The following DOK7 variants were observed in gnomAD, a reference collection of about 807,000 sequenced individuals.
DOK7 encodes the protein protein Dok-7.
A neutral mutation model predicts 30.7 loss-of-function variants in DOK7; 32 were observed. The ratio of observed to expected loss-of-function variants is 1.04; its 90% CI spans 0.79 to 1.40. DOK7 has a LOEUF of 1.40. Among genes scored for constraint, DOK7 ranks in the 40% most tolerant of loss-of-function variants. DOK7 has a pLI of 0.00. For missense variants in DOK7, 1,007 were observed against 699.2 expected, an observed-to-expected ratio of 1.44 and a Z score of -4.97; for synonymous variants, 447 against 324.1, an observed-to-expected ratio of 1.38 and a Z score of -4.07.
chr4:3,489,945 A>T, intron 6 of DOK7, 149 bp downstream of exon 6: 1 of 1,244,724 alleles, frequency 8.0e-7, no homozygotes, highest in African/African-American at 1.8e-5. Flanking sequence ...TTCTTCCCCC[A>T]ACTCCCCGCC....
intron 6 of DOK7, among the ~76,000 whole-genome samples, chr4:3,490,122 T>TCC (rs1553848887): frequency 1.8e-5 from 2 of 113,128 alleles, no homozygotes; most frequent in Non-Finnish European, 3.5e-5. Flanking sequence ...ATTCATTCCT[T>TCC]TTCTCCCTGC....
chr4:3,471,076 C>T (rs1726730282), intron 2 of DOK7, among the ~76,000 whole-genome samples: 1 of 152,234 alleles, frequency 6.6e-6, no homozygotes, highest in Non-Finnish European at 1.5e-5. Flanking sequence ...CCAGTGTGTG[C>T]CCCTTGCTGA....
intron 5 of DOK7, among the ~76,000 whole-genome samples, chr4:3,487,081 C>T (rs370632661): frequency 6.6e-6 from 1 of 152,160 alleles, no homozygotes; most frequent in Non-Finnish European, 1.5e-5. Flanking sequence ...GTTGGGCTGA[C>T]CAGAAGTCCC....
At chr4:3,490,423 C>CGCTCATTCATTCCTTCATTTCTCTCCT (rs1417456979) in intron 6 of DOK7, among the ~76,000 whole-genome samples, 13 of 17,934 alleles carry the variant, frequency 7.2e-4, no homozygotes, top group African/African-American at 2.2e-3. Context: ...CCCACCGCCC[C>CGCTCATTCATTCCTTCATTTCTCTCCT]GCTCATTCAT....
intron 4 of DOK7, among the ~76,000 whole-genome samples, chr4:3,479,060 C>T (rs796842061): frequency 9.2e-5 from 14 of 152,300 alleles, no homozygotes; most frequent in African/African-American, 3.4e-4. Context: ...AGAACGGGTT[C>T]CTTCTGCAGC....
downstream of DOK7, chr4:3,496,931 G>T (rs141318050): frequency 1.4e-6 from 1 of 701,084 alleles, no homozygotes; most frequent in South Asian, 1.6e-5. Flanking sequence ...GGCGCAGATG[G>T]CAGCCAGAGT....
intron 2 of DOK7, among the ~76,000 whole-genome samples, chr4:3,469,810 G>C (rs1726649433): frequency 6.6e-6 from 1 of 152,218 alleles, no homozygotes; most frequent in Non-Finnish European, 1.5e-5. Flanking sequence ...TTAAAAACAG[G>C]ATCGATTTAT....
In DOK7 at chr4:3,493,362, C is replaced by T. The variant is rs747895762; in HGVS notation, c.1376C>T (p.Pro459Leu). The T allele has an allele frequency of 1.9e-6, 3 of 1,598,014 alleles. No homozygotes were observed. The highest frequency in any genetic ancestry group is 8.5e-7 in the Non-Finnish European group (1 of 1,172,884). Reference sequence around the variant, plus strand: ...CGGCGGGGCCTGGTGATGGAGGCCCCCCAGGGCAGCGAGGCCACACTGCCT... The same window carrying T: ...CGGCGGGGCCTGGTGATGGAGGCCCTCCAGGGCAGCGAGGCCACACTGCCT... ...TRRRGLVMEA[P>L]QGSEATLPGP... Residue 459 changes from proline to leucine, a missense_variant, in exon 7 of 7, where the codon CCC (proline) becomes CTC (leucine). Coordinates refer to ENST00000340083, the MANE Select transcript of DOK7 (RefSeq NM_173660.5).
At chr4:3,495,222 A>G (rs1728838296), downstream of DOK7, among the ~76,000 whole-genome samples, 1 of 152,106 alleles carries the variant, frequency 6.6e-6, no homozygotes, top group African/African-American at 2.4e-5. Flanking sequence ...GCCCGTCACC[A>G]TTACCCCTGC....
chr4:3,489,689 C>G lies in DOK7; in HGVS notation c.665C>G (p.Pro222Arg), dbSNP rs141141719. The change falls in exon 6 of 7, where the codon CCG becomes CGG. Residue 222 changes from proline to arginine, a missense_variant. Transcript: ENST00000340083. ...CTCTCTGCCACAGACCCAAGTCCCC[C>G]GGGACCCTCGACTGTGGAGGAGCGT... ...LRPVLPDPSP[P>R]GPSTVEERVA... The G allele has an allele frequency of 1.3e-6, 2 of 1,565,108 alleles. No homozygotes were observed. Among genetic ancestry groups the G allele is most frequent in the Non-Finnish European group, 1.7e-6 (2 of 1,155,038 alleles).
At chr4:3,500,652 C>T (rs1333398193) in intron 7 of DOK7, 4 of 1,535,576 alleles carry the variant, frequency 2.6e-6, no homozygotes, top group Middle Eastern at 1.7e-4. Flanking sequence ...GGCTGGGTGG[C>T]TCGGGGCGCA....
At chr4:3,474,317 T>G (rs948623096) in intron 3 of DOK7, among the ~76,000 whole-genome samples, 2 of 152,170 alleles carry the variant, frequency 1.3e-5, no homozygotes, top group Non-Finnish European at 2.9e-5. Context: ...GTCCACTGAG[T>G]TGAGTCCTGG....
At chr4:3,480,859 T>C (rs901321823) in intron 4 of DOK7, among the ~76,000 whole-genome samples, 4 of 151,822 alleles carry the variant, frequency 2.6e-5, no homozygotes, top group African/African-American at 9.7e-5. Flanking sequence ...TGAGACTGAG[T>C]GAGGCATTTT....
At chr4:3,467,449 A>ACCC (rs796674033) in intron 2 of DOK7, among the ~76,000 whole-genome samples, 2 of 78,328 alleles carry the variant, frequency 2.6e-5, no homozygotes, top group South Asian at 6.1e-4. Flanking sequence ...TCCAGGGAAG[A>ACCC]CCCCCCCCCC....
At chr4:3,483,798 G>A (rs1303616792) in intron 4 of DOK7, among the ~76,000 whole-genome samples, 1 of 152,228 alleles carries the variant, frequency 6.6e-6, no homozygotes, top group African/African-American at 2.4e-5. Context: ...GGGACAGGGA[G>A]CGACTGCCTG....
In DOK7 at chr4:3,493,320, G is replaced by C. The variant is rs1406102576; in HGVS notation, c.1334G>C (p.Gly445Ala). The change falls in exon 7 of 7, where the codon GGC becomes GCC. Residue 445 changes from glycine to alanine, a missense_variant. Physicochemically the swap from Gly to Ala is moderately conservative, Grantham distance 60. Coordinates refer to ENST00000340083, the MANE Select transcript of DOK7 (RefSeq NM_173660.5). The part of the protein sequence containing the change: ...GGQTSAGCPS[G>A]WLGTRRRGLV... ...CAGACGTCCGCCGGGTGTCCCTCTGGCTGGCTGGGCACGAGACGGCGGGGC... is the reference window on the plus strand; with the variant it reads ...CAGACGTCCGCCGGGTGTCCCTCTGCCTGGCTGGGCACGAGACGGCGGGGC... The C allele has an allele frequency of 1.2e-6, 2 of 1,604,030 alleles. No homozygotes were observed. The highest frequency in any genetic ancestry group is 1.7e-6 in the Non-Finnish European group (2 of 1,175,638).
exon 8 of DOK7, chr4:3,500,721 G>GGCC: frequency 6.5e-7 from 1 of 1,535,762 alleles, no homozygotes; most frequent in South Asian, 1.2e-5. Context: ...CGCCCAGATC[G>GGCC]ACATCATGGC....
rs375349469 is a variant in DOK7 at position 3,501,145 on chromosome 4, A to G, written c.*320A>G. On this transcript the variant is annotated 3_prime_UTR_variant, in exon 8 of 8. Coordinates refer to the DOK7 transcript ENST00000643608. ...GCATCTCAGGCAGAGGCTGCTGCCC[A>G]GGAGTTTGGGAGCATGGTTTGTGGT... The G allele has an allele frequency of 1.0e-3, 392 of 389,420 alleles. 1 individual carries two copies. The highest frequency in any genetic ancestry group is 7.3e-3 in the African/African-American group (348 of 47,772). The allele number at this position is 389,420 out of a possible 1,614,324, so 24.1% of individuals were successfully genotyped here. A position where few individuals can be genotyped will look rare whatever the true frequency, so the allele number is the denominator to read the frequency against.
In DOK7 at chr4:3,493,574, C is replaced by T; in HGVS notation, c.*73C>T. 3 of 1,565,452 alleles carry T rather than the reference C, an allele frequency of 1.9e-6. No individual in the cohort carries two copies. In the South Asian group the frequency reaches 3.5e-5, roughly 18 times the overall value. The stretch of plus-strand genomic sequence containing the variant: ...CAGATGGCAGAGGAAGTGGCGCCAG[C>T]CTCCTTGCAGACTGGTGCTCTGTGT... On this transcript the variant is annotated 3_prime_UTR_variant, in exon 7 of 7. Coordinates refer to ENST00000340083, the MANE Select transcript of DOK7 (RefSeq NM_173660.5).
Sources: gnomAD v4.1 joint callset for allele counts (sites outside exome capture counted in the v4.1 genomes callset) on GRCh38, gnomAD v4.1.1 for gene constraint, MANE v1.5 for transcripts, NCBI Gene and HGNC (gene_info 2026-07-23, HGNC 2026-07-21) for gene names.